The following RIPOR2 variants were observed in gnomAD, a reference collection of about 807,000 sequenced individuals.
RIPOR2 encodes the protein rho family-interacting cell polarization regulator 2.
Under a neutral mutation model 114.5 loss-of-function variants are expected in RIPOR2, and 39 were observed. The observed-to-expected ratio is 0.34, with a 90% CI of 0.26 to 0.44. The LOEUF (loss-of-function observed/expected upper bound fraction) is 0.44, where lower values mean the gene tolerates loss of function less well. RIPOR2 is among the 20% of genes least tolerant of loss of function. The pLI, the probability that RIPOR2 is intolerant of heterozygous loss-of-function variation, is 1.00. For synonymous variants in RIPOR2, 445 were observed against 484.4 expected (o/e 0.92, Z 1.07); for missense variants, 1,007 against 1,255.1 (o/e 0.80, Z 2.99).
chr6:24,971,608 T>A (rs922502639), intron 1 of RIPOR2, among the ~76,000 whole-genome samples: 9 of 152,252 alleles, frequency 5.9e-5, no homozygotes, highest in South Asian at 4.1e-4. Flanking sequence ...AGATGAAAGA[T>A]CTGTTCTGAC....
At chr6:24,977,973 T>C (rs948284488) in intron 1 of RIPOR2, among the ~76,000 whole-genome samples, 4 of 152,206 alleles carry the variant, frequency 2.6e-5, no homozygotes, top group African/African-American at 4.8e-5. Flanking sequence ...GGTGTTTATA[T>C]TGAAATGAGC....
intron 1 of RIPOR2, among the ~76,000 whole-genome samples, chr6:24,985,231 A>G (rs549239008): frequency 2.5e-4 from 38 of 152,280 alleles, no homozygotes; most frequent in Non-Finnish European, 4.9e-4. Context: ...TTTTGGTGGG[A>G]GAAAAGGGGC....
At chr6:24,860,865 G>A (rs930264885) in intron 8 of RIPOR2, 108 bp downstream of exon 8, 20 of 689,744 alleles carry the variant, frequency 2.9e-5, no homozygotes, top group African/African-American at 2.0e-4. Context: ...AGTGGGTGGC[G>A]CTGCGTCTTT....
chr6:24,838,696 A>G (rs1036341621), intron 14 of RIPOR2, among the ~76,000 whole-genome samples: 6 of 152,160 alleles, frequency 3.9e-5, no homozygotes, highest in Admixed American at 3.9e-4. Flanking sequence ...CCGGAAGCTG[A>G]GGCAGGAGAA....
intron 1 of RIPOR2, among the ~76,000 whole-genome samples, chr6:24,886,482 T>C (rs1766846929): frequency 6.6e-6 from 1 of 152,230 alleles, no homozygotes. Flanking sequence ...GCTCCCTGTT[T>C]TGTCATGAGT....
At chr6:24,950,997 A>C (rs1490395269) in intron 1 of RIPOR2, among the ~76,000 whole-genome samples, 1 of 152,234 alleles carries the variant, frequency 6.6e-6, no homozygotes, top group East Asian at 1.9e-4. Flanking sequence ...AAGGTCAGCC[A>C]AGATCTTTGC....
intron 1 of RIPOR2, among the ~76,000 whole-genome samples, chr6:24,917,655 G>A (rs377663974): frequency 8.5e-5 from 13 of 152,118 alleles, no homozygotes; most frequent in East Asian, 3.9e-4. Context: ...TCAGCCTCCC[G>A]TGTAGCTGGG....
At chr6:24,934,783 A>G (rs1771644375) in intron 1 of RIPOR2, among the ~76,000 whole-genome samples, 1 of 152,212 alleles carries the variant, frequency 6.6e-6, no homozygotes, top group Non-Finnish European at 1.5e-5. Context: ...CAGCATTTGA[A>G]CAAAACATCC....
At chr6:24,942,974 A>G (rs1772217415) in intron 1 of RIPOR2, among the ~76,000 whole-genome samples, 1 of 152,228 alleles carries the variant, frequency 6.6e-6, no homozygotes, top group Non-Finnish European at 1.5e-5. Context: ...TGTTTTAGAC[A>G]TGAAGTCCTT....
Position 24,878,236 on chromosome 6 carries a change from T to C in RIPOR2, c.62-2419A>G, listed in dbSNP as rs995404490. ...TCCTTAATGAGGTTCTCCTCTGTGC[T>C]CTCTGCTGGTTACTGAGAAATCTGT... On this transcript the variant is annotated intron_variant, in intron 1 of 21. Coordinates refer to ENST00000643898, the MANE Select transcript of RIPOR2 (RefSeq NM_001286445.3). Among the ~76,000 whole-genome samples the C allele has an allele frequency of 2.0e-5, 3 of 152,212 alleles. No homozygotes were observed. In the South Asian group the frequency reaches 6.2e-4, roughly 31 times the overall value.
chr6:24,962,437 A>T (rs992955165), intron 1 of RIPOR2, among the ~76,000 whole-genome samples: 1 of 152,222 alleles, frequency 6.6e-6, no homozygotes, highest in Admixed American at 6.5e-5. Flanking sequence ...TAAAGCTTGC[A>T]TCTAGAGCAG....
intron 6 of RIPOR2, among the ~76,000 whole-genome samples, chr6:24,868,648 G>T (rs1311686350): frequency 6.6e-6 from 1 of 152,120 alleles, no homozygotes; most frequent in East Asian, 1.9e-4. Context: ...AAAGAGCCAA[G>T]GGCTTGAGAG....
upstream of RIPOR2, among the ~76,000 whole-genome samples, chr6:24,938,123 GATAT>G (rs1228761131): frequency 6.6e-6 from 1 of 152,178 alleles, no homozygotes; most frequent in Non-Finnish European, 1.5e-5. Context: ...GGCCATTGAA[GATAT>G]AATTAGTTAG....
intron 1 of RIPOR2, among the ~76,000 whole-genome samples, chr6:24,990,984 G>A (rs1450294215): frequency 1.3e-5 from 2 of 152,208 alleles, no homozygotes; most frequent in Non-Finnish European, 2.9e-5. Context: ...CCAGCCATTG[G>A]TGGTACCTAT....
chr6:24,852,499 G>A lies in RIPOR2; in HGVS notation c.759+76C>T, dbSNP rs573545864. 12 of 1,116,996 alleles carry A rather than the reference G, an allele frequency of 1.1e-5. No homozygotes were observed. The Admixed American group carries it at 1.5e-4, about 14-fold the overall frequency. The allele number at this position is 1,116,996 out of a possible 1,614,324, so 69.2% of individuals were successfully genotyped here. On this transcript the variant is annotated intron_variant, in intron 9 of 21. Transcript: ENST00000643898. Reference sequence around the variant, plus strand: ...AAAAAAAAAAAAGACAACTTGAAAAGCAAAATAATGACATGACAACTGGCC... The same window carrying A: ...AAAAAAAAAAAAGACAACTTGAAAAACAAAATAATGACATGACAACTGGCC...
At position 25,005,222 on chromosome 6, in the gene RIPOR2, T is replaced by C. The variant is rs185112925; in HGVS notation, c.76+36629A>G. Among the ~76,000 whole-genome samples the C allele has an allele frequency of 1.4e-3, 209 of 152,274 alleles. 1 individual carries two copies. The highest frequency in any genetic ancestry group is 4.7e-3 in the African/African-American group (195 of 41,558). On this transcript the variant is annotated intron_variant, in intron 1 of 13. Transcript: ENST00000510784. Reference sequence around the variant, plus strand: ...TTCACACTGTTGTGGTCACCAGAGGTTGAAGGAGGCCCTGGGGTTTTCATC... The same window carrying C: ...TTCACACTGTTGTGGTCACCAGAGGCTGAAGGAGGCCCTGGGGTTTTCATC...
At chr6:24,895,850 G>A (rs1767814113) in intron 1 of RIPOR2, among the ~76,000 whole-genome samples, 2 of 152,122 alleles carry the variant, frequency 1.3e-5, no homozygotes, top group African/African-American at 2.4e-5. Context: ...CATTAGCTGG[G>A]CGTGGTGGCG....
At chr6:24,992,380 A>G (rs140304314) in intron 1 of RIPOR2, among the ~76,000 whole-genome samples, 63 of 152,320 alleles carry the variant, frequency 4.1e-4, no homozygotes, top group Middle Eastern at 3.4e-3. Context: ...AAGTTGCAGG[A>G]TACAAAATCA....
rs73729583 is a variant in RIPOR2, at chr6:24,996,847, A to T, written c.76+45004T>A. ...TCCATTGCACTAGGAGGTCCCTAGA[A>T]GGCAGAGCCCTTAAACTTTTCAATT... On this transcript the variant is annotated intron_variant, in intron 1 of 13. Transcript: ENST00000510784. Among the ~76,000 whole-genome samples, 1,274 of 152,350 alleles carry T rather than the reference A, an allele frequency of 8.4e-3. 21 individuals carry two copies. The highest frequency in any genetic ancestry group is 0.024 in the African/African-American group (983 of 41,566).
Sources: gnomAD v4.1 joint callset for allele counts (sites outside exome capture counted in the v4.1 genomes callset) on GRCh38, gnomAD v4.1.1 for gene constraint, MANE v1.5 for transcripts, NCBI Gene and HGNC (gene_info 2026-07-23, HGNC 2026-07-21) for gene names.